The following FTO variants were observed in gnomAD, a reference collection of about 807,000 sequenced individuals.
The protein encoded by FTO is alpha-ketoglutarate-dependent dioxygenase FTO.
Under a neutral mutation model 63.9 loss-of-function variants are expected in FTO, and 47 were observed. The ratio of observed to expected loss-of-function variants is 0.74; its 90% confidence interval spans 0.58 to 0.94. The LOEUF is 0.94. FTO is among the 40% of genes least tolerant of loss of function. The pLI is 0.00. For synonymous variants in FTO, 207 were observed against 224.4 expected (o/e 0.92, Z 0.69); for missense variants, 562 against 618.1 (o/e 0.91, Z 0.96).
intron 7 of FTO, among the ~76,000 whole-genome samples, chr16:53,928,027 T>C (rs1320570093): frequency 2.0e-5 from 3 of 152,170 alleles, no homozygotes; most frequent in Non-Finnish European, 4.4e-5. Flanking sequence ...TGATGGCATA[T>C]GTACCAGGCA....
chr16:53,858,073 TA>T (rs1013464075), intron 4 of FTO, among the ~76,000 whole-genome samples: 27 of 151,474 alleles, frequency 1.8e-4, no homozygotes, highest in African/African-American at 4.8e-4. Flanking sequence ...TTACTAAGTA[TA>T]AAAAAAAACT....
chr16:53,826,947 T>A (rs1055562447), intron 3 of FTO, among the ~76,000 whole-genome samples: 2 of 152,352 alleles, frequency 1.3e-5, no homozygotes, highest in Admixed American at 6.5e-5. Flanking sequence ...AAATATTTTA[T>A]TATGGTTGAC....
At chr16:53,784,339 C>T (rs1425513269) in intron 1 of FTO, among the ~76,000 whole-genome samples, 1 of 152,150 alleles carries the variant, frequency 6.6e-6, no homozygotes, top group Non-Finnish European at 1.5e-5. Flanking sequence ...ATTTGGCTCT[C>T]CTTGTGTCTT....
Position 53,826,315 on chromosome 16 carries a change from A to G in FTO, c.575A>G (p.Asp192Gly). The change falls in exon 3 of 9, where the codon GAC (aspartate) becomes GGC (glycine). Residue 192 changes from aspartate to glycine, a missense_variant. By Grantham distance (94) the Asp-to-Gly change is moderately conservative. Coordinates refer to ENST00000471389, the MANE Select transcript of FTO (RefSeq NM_001080432.3). Reference protein sequence around the residue: ...GSSYNGQDEVDIKSRAAYNVT... With the variant: ...GSSYNGQDEVGIKSRAAYNVT... ...TCCTACAACGGACAAGATGAAGTGG[A>G]CATTAAGAGCAGAGCAGCATACAAC... The G allele has an allele frequency of 6.2e-7, 1 of 1,614,212 alleles. No homozygotes were observed. Among genetic ancestry groups the G allele is most frequent in the Non-Finnish European group, 8.5e-7 (1 of 1,180,034 alleles).
At chr16:54,085,789 C>T (rs59521483) in intron 8 of FTO, among the ~76,000 whole-genome samples, 11,273 of 152,146 alleles carry the variant, frequency 0.074, 1,325 homozygotes, top group African/African-American at 0.25. Context: ...TCCGACTCGT[C>T]TCGCTGTAGT....
intron 8 of FTO, among the ~76,000 whole-genome samples, chr16:53,972,834 C>A (rs893649239): frequency 3.3e-5 from 5 of 152,152 alleles, no homozygotes; most frequent in Admixed American, 6.5e-5. Context: ...CAGGGAAATT[C>A]TCTTAATGGA....
intron 1 of FTO, among the ~76,000 whole-genome samples, chr16:53,809,817 T>C (rs2078473084): frequency 6.6e-6 from 1 of 152,004 alleles, no homozygotes; most frequent in Non-Finnish European, 1.5e-5. Context: ...GTGGCACCGC[T>C]GTAGTCCCAG....
At position 54,044,910 on chromosome 16, in the gene FTO, C is replaced by T. The variant is rs1242764008; in HGVS notation, c.1365-66852C>T. 2.9e-5 allele frequency among the ~76,000 whole-genome samples: 3 copies of T among 105,218 alleles called. 1 individual carries two copies. The highest frequency in any genetic ancestry group is 5.0e-5 in the Non-Finnish European group (3 of 59,548). 69.0% of individuals were successfully genotyped at this position (105,218 alleles called of 152,430 possible). The stretch of plus-strand genomic sequence containing the variant: ...AAATAAAGATGTTCTTTGAAACCAA[C>T]GAGAACAAAGACACCACATAACAGA... On this transcript the variant is annotated intron_variant, in intron 8 of 8. Transcript: ENST00000471389.
intron 1 of FTO, among the ~76,000 whole-genome samples, chr16:53,797,902 A>T (rs2078117356): frequency 6.6e-6 from 1 of 152,182 alleles, no homozygotes; most frequent in Non-Finnish European, 1.5e-5. Flanking sequence ...TTAAATACTA[A>T]AAGAGTTTCG....
At chr16:53,743,724 T>C (rs2076581195) in intron 1 of FTO, among the ~76,000 whole-genome samples, 1 of 151,924 alleles carries the variant, frequency 6.6e-6, no homozygotes, top group Non-Finnish European at 1.5e-5. Context: ...TTTAATTTAA[T>C]AATACAAGCT....
intron 8 of FTO, among the ~76,000 whole-genome samples, chr16:54,016,209 A>G (rs1325111764): frequency 6.6e-6 from 1 of 151,268 alleles, no homozygotes; most frequent in Non-Finnish European, 1.5e-5. Context: ...CCTCCTCTTC[A>G]CCATTATGCT....
At chr16:54,065,260 C>T (rs1199892167) in intron 8 of FTO, among the ~76,000 whole-genome samples, 1 of 151,836 alleles carries the variant, frequency 6.6e-6, no homozygotes, top group Admixed American at 6.6e-5. Flanking sequence ...TAGGCTTGAG[C>T]CTTCTTCTGC....
chr16:53,843,081 G>C (rs928021380), intron 3 of FTO, among the ~76,000 whole-genome samples: 8 of 152,112 alleles, frequency 5.3e-5, no homozygotes, highest in African/African-American at 1.9e-4. Context: ...TGACTACATA[G>C]TATTTTATTG....
At chr16:53,738,939 C>T (rs559258598) in intron 1 of FTO, among the ~76,000 whole-genome samples, 2 of 152,018 alleles carry the variant, frequency 1.3e-5, no homozygotes, top group East Asian at 3.9e-4. Context: ...CTCCGGGGCT[C>T]AAGCAGTCTT....
chr16:54,002,922 T>C (rs1079880), intron 8 of FTO, among the ~76,000 whole-genome samples: 105,225 of 152,096 alleles, frequency 0.69, 37,612 homozygotes, highest in African/African-American at 0.87. Flanking sequence ...TCCCTGGGGG[T>C]CAGGTGGGCT....
intron 8 of FTO, among the ~76,000 whole-genome samples, chr16:54,087,854 A>T (rs1284278365): frequency 6.6e-6 from 1 of 152,196 alleles, no homozygotes; most frequent in Non-Finnish European, 1.5e-5. Context: ...CACCTAGTTG[A>T]CTTCAAAGTA....
chr16:53,712,634 A>G (rs1186550713), intron 1 of FTO, among the ~76,000 whole-genome samples: 1 of 152,216 alleles, frequency 6.6e-6, no homozygotes, highest in Non-Finnish European at 1.5e-5. Context: ...TGAAAACTAA[A>G]TTAGCCATTC....
intron 8 of FTO, among the ~76,000 whole-genome samples, chr16:54,103,802 G>A (rs1295127616): frequency 6.6e-6 from 1 of 152,326 alleles, no homozygotes; most frequent in African/African-American, 2.4e-5. Context: ...AGAGGATTTA[G>A]AGTGTCAAGG....
At chr16:53,761,354 G>T (rs1210024451) in intron 1 of FTO, among the ~76,000 whole-genome samples, 3 of 151,330 alleles carry the variant, frequency 2.0e-5, no homozygotes, top group Admixed American at 1.3e-4. Context: ...CTCCCACCTT[G>T]GCCTCCCAAA....
Sources: gnomAD v4.1 joint callset for allele counts (sites outside exome capture counted in the v4.1 genomes callset) on GRCh38, gnomAD v4.1.1 for gene constraint, MANE v1.5 for transcripts, NCBI Gene and HGNC (gene_info 2026-07-23, HGNC 2026-07-21) for gene names.